UNC5B: variants seen among roughly 807,000 people sequenced by gnomAD.
The protein encoded by UNC5B is unc-5 netrin receptor B.
A neutral mutation model predicts 103.7 loss-of-function variants in UNC5B; 56 were observed. That is an observed-to-expected ratio of 0.54 (90% confidence interval 0.44 to 0.67). The LOEUF (loss-of-function observed/expected upper bound fraction) is 0.67, where lower values mean the gene tolerates loss of function less well. Ranked by LOEUF, UNC5B falls within the 30% of genes least tolerant of loss-of-function variation. UNC5B has a pLI of 0.00. For missense variants in UNC5B, 1,194 were observed against 1,284.5 expected, an observed-to-expected ratio of 0.93 and a Z score of 1.08; for synonymous variants, 577 against 542.0, an observed-to-expected ratio of 1.06 and a Z score of -0.90.
intron 1 of UNC5B, among the ~76,000 whole-genome samples, chr10:71,252,031 G>C (rs1433254134): frequency 1.3e-5 from 2 of 148,800 alleles, no homozygotes; most frequent in Non-Finnish European, 3.0e-5. Context: ...TGAAATCTGG[G>C]TTAAAAATAA....
At chr10:71,295,292 G>C (rs962880311) in intron 13 of UNC5B, among the ~76,000 whole-genome samples, 2 of 152,200 alleles carry the variant, frequency 1.3e-5, no homozygotes, top group Non-Finnish European at 2.9e-5. Flanking sequence ...GAAATCAAGA[G>C]AGAAGTTACC....
intron 1 of UNC5B, among the ~76,000 whole-genome samples, chr10:71,275,810 A>G (rs1844756929): frequency 6.6e-6 from 1 of 151,932 alleles, no homozygotes; most frequent in South Asian, 2.1e-4. Flanking sequence ...ACACGGTAAT[A>G]CTAGATAGCT....
chr10:71,295,075 G>A (rs1207198204), intron 13 of UNC5B, among the ~76,000 whole-genome samples: 3 of 152,144 alleles, frequency 2.0e-5, no homozygotes, highest in Admixed American at 6.5e-5. Context: ...CATCTCCCAG[G>A]CTCATGGGAC....
intron 1 of UNC5B, among the ~76,000 whole-genome samples, chr10:71,225,979 A>G (rs573630309): frequency 4.9e-4 from 74 of 152,284 alleles, no homozygotes; most frequent in African/African-American, 1.6e-3. Flanking sequence ...CTTCTAGGAC[A>G]AATAGAGTCT....
Position 71,299,315 on chromosome 10 carries a change from G to T in UNC5B, c.*38G>T, listed in dbSNP as rs1020224484. 6.2e-7 allele frequency: 1 copy of T among 1,609,766 alleles called. No individual in the cohort carries two copies. The highest frequency in any genetic ancestry group is 1.7e-5 in the Admixed American group (1 of 59,932). ...AGCGGGCTGGCAGGGACTGGCAGGA[G>T]GCAGGTGCAGGGAGGCCTGGGGCAG... On this transcript the variant is annotated 3_prime_UTR_variant, in exon 17 of 17. Coordinates refer to ENST00000335350, the MANE Select transcript of UNC5B (RefSeq NM_170744.5).
intron 1 of UNC5B, among the ~76,000 whole-genome samples, chr10:71,259,511 C>T (rs1242145443): frequency 1.3e-5 from 2 of 152,096 alleles, no homozygotes; most frequent in African/African-American, 4.8e-5. Context: ...CATTCAAAGA[C>T]TAAGAAACCG....
intron 1 of UNC5B, among the ~76,000 whole-genome samples, chr10:71,260,610 G>A (rs985523856): frequency 3.3e-5 from 5 of 152,204 alleles, no homozygotes; most frequent in Admixed American, 6.5e-5. Context: ...CCCTGTTATC[G>A]TCACTGTGCT....
rs184754043 is a variant in UNC5B, at chr10:71,216,529, C to T, written c.79+3465C>T. On this transcript the variant is annotated intron_variant, in intron 1 of 16. Coordinates refer to ENST00000335350, the MANE Select transcript of UNC5B (RefSeq NM_170744.5). ...TGGGGAAGGGAGACAGGTCACAAGC[C>T]AAGCTCCCTTGGGCTGCATGGCCAA... is the stretch of plus-strand genomic sequence containing the variant. 5.4e-3 allele frequency among the ~76,000 whole-genome samples: 820 copies of T among 152,330 alleles called. 9 individuals are homozygous for T. The highest frequency in any genetic ancestry group is 0.018 in the African/African-American group (756 of 41,584).
intron 1 of UNC5B, among the ~76,000 whole-genome samples, chr10:71,228,974 C>T (rs1354845317): frequency 6.6e-6 from 1 of 152,212 alleles, no homozygotes; most frequent in Non-Finnish European, 1.5e-5. Flanking sequence ...ACACCCACTC[C>T]CCAAGGCAGG....
intron 1 of UNC5B, among the ~76,000 whole-genome samples, chr10:71,264,234 A>G (rs1488964126): frequency 4.6e-5 from 7 of 152,362 alleles, no homozygotes; most frequent in African/African-American, 1.7e-4. Flanking sequence ...TTGCTGCAAC[A>G]ATTAAATGAA....
chr10:71,288,653 C>G lies in UNC5B; in HGVS notation c.987C>G (p.Pro329=), dbSNP rs763998739. Residue 329 remains proline, a synonymous_variant, in exon 7 of 17, where the codon CCC becomes CCG. Coordinates refer to ENST00000335350, the MANE Select transcript of UNC5B (RefSeq NM_170744.5). Reference sequence around the variant, plus strand: ...GGCGTAGCCGCGAGTGCATGGCGCCCCCACCCCAGAACGGAGGCCGTGACT... The same window carrying G: ...GGCGTAGCCGCGAGTGCATGGCGCCGCCACCCCAGAACGGAGGCCGTGACT... The part of the protein sequence containing the change: ...AHWRSRECMA[P]PPQNGGRDCS... 1.9e-6 allele frequency: 3 copies of G among 1,613,804 alleles called. No individual in the cohort carries two copies. The highest frequency in any genetic ancestry group is 2.7e-5 in the African/African-American group (2 of 74,956).
chr10:71,280,008 C>G lies in UNC5B; in HGVS notation c.267C>G (p.Asn89Lys). 6.2e-7 allele frequency: 1 copy of G among 1,614,102 alleles called. No individual in the cohort carries two copies. Among genetic ancestry groups the G allele is most frequent in the African/African-American group, 1.3e-5 (1 of 75,064 alleles). ...GCAACGGCGAGTGGGTCAGCCAGAA[C>G]GACCACGTCACACAGGAAGGCCTGG... ...FKCNGEWVSQ[N>K]DHVTQEGLDE... Residue 89 changes from asparagine (N) to lysine (K), a missense_variant, in exon 2 of 17, where the codon AAC becomes AAG. Coordinates refer to ENST00000335350, the MANE Select transcript of UNC5B (RefSeq NM_170744.5).
At chr10:71,260,821 G>T (rs1844400621) in intron 1 of UNC5B, among the ~76,000 whole-genome samples, 1 of 152,238 alleles carries the variant, frequency 6.6e-6, no homozygotes, top group South Asian at 2.1e-4. Flanking sequence ...TGGGTGGCTG[G>T]AGCCAGGTTT....
In UNC5B at chr10:71,293,492, C is replaced by T. The variant is rs1486644541; in HGVS notation, c.1860C>T (p.Leu620=). Residue 620 remains leucine, a synonymous_variant, in exon 12 of 17, where the codon CTC becomes CTT. Coordinates refer to ENST00000335350, the MANE Select transcript of UNC5B (RefSeq NM_170744.5). ...TGLLLCRPVI[L]TMPHCAEVSA... The stretch of plus-strand genomic sequence containing the variant: ...TCCTGCTGTGCCGCCCCGTCATCCT[C>T]ACCATGCCCCACTGTGCCGAAGTCA... 17 of 1,614,016 alleles carry T rather than the reference C, an allele frequency of 1.1e-5. No individual in the cohort carries two copies. Among genetic ancestry groups the T allele is most frequent in the Non-Finnish European group, 1.4e-5 (17 of 1,180,048 alleles).
intron 2 of UNC5B, among the ~76,000 whole-genome samples, chr10:71,282,377 C>G (rs2132300869): frequency 6.6e-6 from 1 of 152,358 alleles, no homozygotes; most frequent in South Asian, 2.1e-4. Context: ...TGCTGGGCCT[C>G]AAGCCTGGGA....
chr10:71,235,583 C>T (rs1222122188), intron 1 of UNC5B, among the ~76,000 whole-genome samples: 1 of 152,206 alleles, frequency 6.6e-6, no homozygotes, highest in African/African-American at 2.4e-5. Flanking sequence ...CGGCCACATC[C>T]TGTGGGAGAC....
At chr10:71,221,156 C>A (rs1036460701) in intron 1 of UNC5B, among the ~76,000 whole-genome samples, 2 of 152,190 alleles carry the variant, frequency 1.3e-5, no homozygotes, top group Non-Finnish European at 2.9e-5. Flanking sequence ...GGGTGTCTCT[C>A]TCACCGAAGC....
chr10:71,286,555 C>G, intron 4 of UNC5B, 134 bp from the exon 5 acceptor site: 1 of 1,148,882 alleles, frequency 8.7e-7, no homozygotes, highest in Non-Finnish European at 1.3e-6. Flanking sequence ...TGTACAGTGT[C>G]CAGTGCTATA....
At position 71,213,726 on chromosome 10, in the gene UNC5B, A is replaced by AGTGT. The variant is rs1238732312; in HGVS notation, c.79+663_79+664insTGTG. Among the ~76,000 whole-genome samples, 4 of 81,858 alleles carry AGTGT rather than the reference A, an allele frequency of 4.9e-5. No individual in the cohort carries two copies. The highest frequency in any genetic ancestry group is 1.1e-4 in the Admixed American group (1 of 9,162). The allele number at this position is 81,858 out of a possible 152,430, so 53.7% of individuals were successfully genotyped here. On this transcript the variant is annotated intron_variant, in intron 1 of 16. Transcript: ENST00000335350. The surrounding 1 kb of genome is among the most constrained non-coding windows in gnomAD (Gnocchi z 4.1). ...TTATTATTAATTTTCTGAGTGTTGG[A>AGTGT]GAGTGTGTGTGTGTGTGTGTGTGTG...
Sources: allele counts gnomAD v4.1 joint callset (sites outside exome capture counted in the v4.1 genomes callset), GRCh38; gene constraint gnomAD v4.1.1; non-coding constraint Gnocchi (gnomAD v3.1); transcripts MANE v1.5; gene names NCBI Gene and HGNC (gene_info 2026-07-23, HGNC 2026-07-21).